The following PHTF1 variants were observed in gnomAD, a reference collection of about 807,000 sequenced individuals.
PHTF1 encodes putative homeodomain transcription factor 1.
A neutral mutation model predicts 102.4 loss-of-function variants in PHTF1; 88 were observed. The observed-to-expected ratio is 0.86, with a 90% CI of 0.72 to 1.03. The LOEUF is 1.03. PHTF1 is among the 50% of genes least tolerant of loss of function. The pLI, the probability that PHTF1 is intolerant of heterozygous loss-of-function variation, is 0.00. For synonymous variants in PHTF1, 289 were observed against 305.2 expected, an observed-to-expected ratio of 0.95 and a Z score of 0.55; for missense variants, 814 against 909.5, an observed-to-expected ratio of 0.89 and a Z score of 1.35.
rs1337661583 is a variant in PHTF1 at position 113,759,130 on chromosome 1, C to G, written c.-138G>C. 1.0e-6 allele frequency: 1 copy of G among 971,966 alleles called. No individual in the cohort carries two copies. The highest frequency in any genetic ancestry group is 4.7e-5 in the South Asian group (1 of 21,252). The allele number at this position is 971,966 out of a possible 1,614,324, so 60.2% of individuals were successfully genotyped here. A position where few individuals can be genotyped will look rare whatever the true frequency, so the allele number is the denominator to read the frequency against. On this transcript the variant is annotated 5_prime_UTR_variant, in exon 1 of 19. Transcript: ENST00000369604. ...CGGCGGGCCAGGCAGGCCGCATCTT[C>G]CCCTCCAGGCGGAGACGCCGGAGAG...
intron 16 of PHTF1, 125 bp from the exon 17 acceptor site, chr1:113,699,924 G>A (rs151225592): frequency 1.7e-4 from 118 of 681,584 alleles, no homozygotes; most frequent in Non-Finnish European, 2.0e-4. Context: ...AATAGCTATC[G>A]CTACAGAGAA....
intron 5 of PHTF1, among the ~76,000 whole-genome samples, chr1:113,730,499 T>C (rs890167449): frequency 1.3e-5 from 2 of 152,146 alleles, no homozygotes; most frequent in Non-Finnish European, 1.5e-5. Flanking sequence ...GTAAATGAAA[T>C]GTATGTGAAA....
chr1:113,702,844 C>T (rs1226947404), intron 15 of PHTF1, among the ~76,000 whole-genome samples: 1 of 152,108 alleles, frequency 6.6e-6, no homozygotes, highest in East Asian at 1.9e-4. Context: ...CAAATAGAGA[C>T]ATTTTGTAGG....
At chr1:113,758,420 C>T (rs1252421627) in intron 2 of PHTF1, among the ~76,000 whole-genome samples, 3 of 151,356 alleles carry the variant, frequency 2.0e-5, no homozygotes, top group Admixed American at 6.6e-5. Context: ...CAAAGCATTG[C>T]GGTGGCATTG....
intron 15 of PHTF1, among the ~76,000 whole-genome samples, chr1:113,701,617 A>T (rs1428922915): frequency 6.6e-6 from 1 of 151,898 alleles, no homozygotes; most frequent in Non-Finnish European, 1.5e-5. Flanking sequence ...AGGGCTACGT[A>T]GGCTCCCATC....
chr1:113,748,609 A>C (rs1657561338), intron 3 of PHTF1, among the ~76,000 whole-genome samples: 1 of 152,130 alleles, frequency 6.6e-6, no homozygotes, highest in Admixed American at 6.5e-5. Context: ...ATCACGGCTC[A>C]CTGCAGCTTC....
intron 7 of PHTF1, 103 bp from the exon 8 acceptor site, chr1:113,713,541 A>C: frequency 1.5e-6 from 1 of 664,256 alleles, no homozygotes; most frequent in Non-Finnish European, 2.6e-6. Context: ...GGAAATCAAG[A>C]AAATGCAGGA....
chr1:113,758,698 G>A lies in PHTF1; in HGVS notation c.6C>T (p.Ala2=), dbSNP rs1399164131. 12 of 1,610,096 alleles carry A rather than the reference G, an allele frequency of 7.5e-6. No individual in the cohort carries two copies. Among genetic ancestry groups the A allele is most frequent in the African/African-American group, 2.7e-5 (2 of 74,712 alleles). Residue 2 remains alanine (A), a synonymous_variant, in exon 2 of 19, where the codon GCC becomes GCT. Transcript: ENST00000369604. ...ACGATATAGCATCTCTCTCATTTGA[G>A]GCCATCTGTGTCTCCAGCCAGAGAA... M[A]SNERDAISWY...
At chr1:113,757,007 A>T (rs540990136) in intron 3 of PHTF1, among the ~76,000 whole-genome samples, 2 of 152,162 alleles carry the variant, frequency 1.3e-5, no homozygotes, top group African/African-American at 2.4e-5. Context: ...CTCTACTAAA[A>T]ATACAAAAAA....
intron 6 of PHTF1, among the ~76,000 whole-genome samples, chr1:113,726,201 T>C (rs977095429): frequency 5.3e-5 from 8 of 152,302 alleles, no homozygotes; most frequent in African/African-American, 1.9e-4. Flanking sequence ...TTTAAACAAC[T>C]GTACTGAATG....
chr1:113,722,894 T>A (rs1050223701), intron 7 of PHTF1, among the ~76,000 whole-genome samples: 7 of 150,442 alleles, frequency 4.7e-5, no homozygotes, highest in African/African-American at 1.7e-4. Flanking sequence ...CACTCCAGCC[T>A]GGATGACAGA....
intron 3 of PHTF1, among the ~76,000 whole-genome samples, chr1:113,753,567 A>G (rs989322505): frequency 6.6e-6 from 1 of 152,100 alleles, no homozygotes; most frequent in African/African-American, 2.4e-5. Context: ...AGGTGGGACT[A>G]CAGGTGCGTG....
intron 5 of PHTF1, among the ~76,000 whole-genome samples, chr1:113,730,180 G>A (rs1654431541): frequency 6.6e-6 from 1 of 151,936 alleles, no homozygotes; most frequent in Non-Finnish European, 1.5e-5. Flanking sequence ...AGGGAGAGCA[G>A]TCTTGTAGAG....
chr1:113,719,762 C>A (rs939779316), intron 7 of PHTF1, among the ~76,000 whole-genome samples: 1 of 152,174 alleles, frequency 6.6e-6, no homozygotes, highest in African/African-American at 2.4e-5. Context: ...TTTCAGGTAT[C>A]TTTTCAGCAA....
Position 113,697,645 on chromosome 1 carries a change from A to G in PHTF1, c.*60T>C. The stretch of plus-strand genomic sequence containing the variant: ...TATCTCACTGGTTTCTGCAGTCATC[A>G]CTTTCCTTGATAGGTAAGTTTTGAT... On this transcript the variant is annotated 3_prime_UTR_variant, in exon 19 of 19. Transcript: ENST00000369604. 2.4e-6 allele frequency: 3 copies of G among 1,244,180 alleles called. No homozygotes were observed. The highest frequency in any genetic ancestry group is 3.6e-6 in the Non-Finnish European group (3 of 844,612). 77.1% of individuals were successfully genotyped at this position (1,244,180 alleles called of 1,614,324 possible).
intron 14 of PHTF1, among the ~76,000 whole-genome samples, chr1:113,704,428 T>G (rs1649815896): frequency 6.6e-6 from 1 of 152,228 alleles, no homozygotes; most frequent in East Asian, 1.9e-4. Context: ...ATAAACTATT[T>G]AATTGTCACT....
At chr1:113,755,950 C>T (rs1658802188) in intron 3 of PHTF1, among the ~76,000 whole-genome samples, 1 of 151,634 alleles carries the variant, frequency 6.6e-6, no homozygotes, top group Non-Finnish European at 1.5e-5. Context: ...CCCTGTAGTC[C>T]CAACTACTCG....
At chr1:113,709,403 A>G (rs1433933773) in intron 11 of PHTF1, among the ~76,000 whole-genome samples, 1 of 152,222 alleles carries the variant, frequency 6.6e-6, no homozygotes, top group African/African-American at 2.4e-5. Context: ...ATCATCCACT[A>G]TTTGCAAGAC....
chr1:113,715,486 G>A (rs1184231278), intron 7 of PHTF1, among the ~76,000 whole-genome samples: 10 of 151,272 alleles, frequency 6.6e-5, no homozygotes, highest in South Asian at 4.2e-4. Flanking sequence ...GCAAAACCTC[G>A]TCTTTACAAA....
Sources: gnomAD v4.1 joint callset for allele counts (sites outside exome capture counted in the v4.1 genomes callset) on GRCh38, gnomAD v4.1.1 for gene constraint, MANE v1.5 for transcripts, NCBI Gene and HGNC (gene_info 2026-07-23, HGNC 2026-07-21) for gene names.